FHL5: variants seen among roughly 807,000 people sequenced by gnomAD.
FHL5 encodes four and a half LIM domains 5.
A neutral mutation model predicts 32.0 loss-of-function variants in FHL5; 33 were observed. The observed-to-expected ratio is 1.03, with a 90% CI of 0.78 to 1.38. FHL5 has a LOEUF of 1.38. Ranked by LOEUF, FHL5 falls within the 40% of genes most tolerant of loss-of-function variation. The probability of loss-of-function intolerance (pLI) is 0.00; values close to 1 mark genes in which losing one functional copy is unlikely to be tolerated. For missense variants in FHL5, 336 were observed against 343.9 expected (o/e 0.98, Z 0.18); for synonymous variants, 114 against 113.6 (o/e 1.00, Z -0.02).
At chr6:96,614,928 C>T (rs969260086) in intron 5 of FHL5, among the ~76,000 whole-genome samples, 14 of 152,288 alleles carry the variant, frequency 9.2e-5, no homozygotes, top group Admixed American at 8.5e-4. Context: ...GATAACGTGG[C>T]TTCATTGGCC....
intron 1 of FHL5, among the ~76,000 whole-genome samples, chr6:96,586,267 T>C (rs1475748): frequency 0.41 from 62,257 of 152,110 alleles, 13,438 homozygotes; most frequent in African/African-American, 0.56. Context: ...ATGATCCACT[T>C]GTTTTTTAAA....
chr6:96,584,115 A>C (rs1770748503), intron 1 of FHL5, among the ~76,000 whole-genome samples: 2 of 152,192 alleles, frequency 1.3e-5, no homozygotes, highest in South Asian at 4.1e-4. Flanking sequence ...TTGAGGAGCT[A>C]ATAGTGGTGT....
chr6:96,615,482 T>A (rs1562067494), intron 5 of FHL5, 127 bp from the exon 6 acceptor site: 4 of 632,560 alleles, frequency 6.3e-6, no homozygotes, highest in South Asian at 3.5e-5. Context: ...GCATTCTTTT[T>A]TGGGTTATTT....
rs144787286 is a variant in FHL5 at position 96,616,044 on chromosome 6, C to G, written c.*272C>G. 7.1e-4 allele frequency: 163 copies of G among 230,020 alleles called. No individual in the cohort carries two copies. In the Middle Eastern group the frequency reaches 0.01, roughly 15 times the overall value. The allele number at this position is 230,020 out of a possible 1,614,324, so 14.2% of individuals were successfully genotyped here. A position where few individuals can be genotyped will look rare whatever the true frequency, so the allele number is the denominator to read the frequency against. On this transcript the variant is annotated 3_prime_UTR_variant, in exon 6 of 6. Transcript: ENST00000450218. The stretch of plus-strand genomic sequence containing the variant: ...GCAGAGGAAAATATCTCTTCATAAT[C>G]AAATATATGACATATACCTAGGAGC...
Position 96,617,447 on chromosome 6 carries a change from G to A in FHL5, c.*1675G>A, listed in dbSNP as rs1220897242. Among the ~76,000 whole-genome samples, 4 of 152,166 alleles carry A rather than the reference G, an allele frequency of 2.6e-5. No homozygotes were observed. The highest frequency in any genetic ancestry group is 5.9e-5 in the Non-Finnish European group (4 of 68,004). ...AATATTCAGCGATGTTAATAATTTA[G>A]AGATACTAATAAGTGTTCTGCTAGA... On this transcript the variant is annotated 3_prime_UTR_variant, in exon 6 of 6. Transcript: ENST00000450218.
At chr6:96,569,545 T>C (rs1294380177) in intron 1 of FHL5, among the ~76,000 whole-genome samples, 1 of 152,084 alleles carries the variant, frequency 6.6e-6, no homozygotes, top group East Asian at 1.9e-4. Context: ...CCAGCTATAA[T>C]TGTACTGAAA....
At chr6:96,599,924 T>A (rs866269977) in intron 1 of FHL5, among the ~76,000 whole-genome samples, 51 of 152,324 alleles carry the variant, frequency 3.3e-4, no homozygotes, top group Non-Finnish European at 5.9e-4. Flanking sequence ...CTTTGAAAAT[T>A]AGCCCTCAGG....
intron 1 of FHL5, among the ~76,000 whole-genome samples, chr6:96,565,366 G>T (rs1770334115): frequency 6.6e-6 from 1 of 152,150 alleles, no homozygotes; most frequent in Admixed American, 6.5e-5. Flanking sequence ...TTCTATGAAT[G>T]AGGGCAAGTG....
intron 1 of FHL5, among the ~76,000 whole-genome samples, chr6:96,586,831 G>A (rs1034577638): frequency 1.3e-5 from 2 of 152,178 alleles, no homozygotes; most frequent in Admixed American, 6.6e-5. Flanking sequence ...ACACTTGTGT[G>A]CCAAAACGAT....
intron 2 of FHL5, 100 bp from the exon 3 acceptor site, chr6:96,604,650 C>A (rs1771230952): frequency 1.2e-6 from 1 of 828,200 alleles, no homozygotes; most frequent in East Asian, 2.9e-5. Flanking sequence ...ACTAGCACAA[C>A]CTACTGACAT....
intron 1 of FHL5, among the ~76,000 whole-genome samples, chr6:96,592,127 T>C (rs1582469383): frequency 6.6e-6 from 1 of 152,158 alleles, no homozygotes; most frequent in Non-Finnish European, 1.5e-5. Flanking sequence ...GCAACCTGTC[T>C]GACCAAAATT....
At chr6:96,590,024 G>A (rs1770882210) in intron 1 of FHL5, among the ~76,000 whole-genome samples, 1 of 151,896 alleles carries the variant, frequency 6.6e-6, no homozygotes, top group African/African-American at 2.4e-5. Context: ...GGTGATCTAA[G>A]TATTTAATCC....
chr6:96,580,303 TG>T, intron 1 of FHL5, among the ~76,000 whole-genome samples: 1 of 152,304 alleles, frequency 6.6e-6, no homozygotes, highest in South Asian at 2.1e-4. Context: ...CAGTATACAA[TG>T]GCTATTGCTT....
In FHL5 at chr6:96,617,820, T is replaced by G. The variant is rs936654118; in HGVS notation, c.*2048T>G. On this transcript the variant is annotated 3_prime_UTR_variant, in exon 6 of 6. Coordinates refer to ENST00000450218, the MANE Select transcript of FHL5 (RefSeq NM_001322466.2). Reference sequence around the variant, plus strand: ...CACATGATCAGACTTGTATTCTAGCTTTACAATTAAAATTCACAGAATCAT... The same window carrying G: ...CACATGATCAGACTTGTATTCTAGCGTTACAATTAAAATTCACAGAATCAT... Among the ~76,000 whole-genome samples the G allele has an allele frequency of 6.6e-6, 1 of 152,224 alleles. No homozygotes were observed. Among genetic ancestry groups the G allele is most frequent in the East Asian group, 1.9e-4 (1 of 5,198 alleles).
intron 1 of FHL5, among the ~76,000 whole-genome samples, chr6:96,602,415 A>G (rs1771167576): frequency 9.6e-6 from 1 of 104,292 alleles, no homozygotes; most frequent in Non-Finnish European, 1.9e-5. Context: ...GGAAATCTAT[A>G]TGCGTTGTTT....
intron 1 of FHL5, among the ~76,000 whole-genome samples, chr6:96,600,271 G>C (rs922006321): frequency 6.6e-6 from 1 of 152,140 alleles, no homozygotes; most frequent in Non-Finnish European, 1.5e-5. Flanking sequence ...GAGTTGGGTA[G>C]GGTGAGAACA....
chr6:96,588,877 C>CT (rs1348695924), intron 1 of FHL5, among the ~76,000 whole-genome samples: 4 of 140,524 alleles, frequency 2.8e-5, no homozygotes, highest in African/African-American at 8.0e-5. Context: ...ATGAGCAATT[C>CT]TTTTAAAAAA....
Position 96,616,950 on chromosome 6 carries a change from C to A in FHL5, c.*1178C>A, listed in dbSNP as rs1238902178. Reference sequence around the variant, plus strand: ...TGTGCCACACCCCCCTTACCCCAAGCCAGTTGTGCCCCCAGTTTCAATCTC... The same window carrying A: ...TGTGCCACACCCCCCTTACCCCAAGACAGTTGTGCCCCCAGTTTCAATCTC... On this transcript the variant is annotated 3_prime_UTR_variant, in exon 6 of 6. Transcript: ENST00000450218. Among the ~76,000 whole-genome samples the A allele has an allele frequency of 2.6e-5, 4 of 151,970 alleles. No individual in the cohort carries two copies. Among genetic ancestry groups the A allele is most frequent in the African/African-American group, 9.7e-5 (4 of 41,334 alleles).
chr6:96,588,681 T>G (rs1013804132), intron 1 of FHL5, among the ~76,000 whole-genome samples: 1 of 152,102 alleles, frequency 6.6e-6, no homozygotes, highest in African/African-American at 2.4e-5. Context: ...AATATTTGCT[T>G]ATTATGAGTG....
Sources: allele counts gnomAD v4.1 joint callset (sites outside exome capture counted in the v4.1 genomes callset), GRCh38; gene constraint gnomAD v4.1.1; transcripts MANE v1.5; gene names NCBI Gene and HGNC (gene_info 2026-07-23, HGNC 2026-07-21).